Variants in PLCH1 observed in about 807,000 individuals in gnomAD.
PLCH1 encodes phospholipase C eta 1.
PLCH1 carries 60 observed loss-of-function variants against 126.7 expected under a neutral mutation model. The observed-to-expected ratio is 0.47, with a 90% CI of 0.38 to 0.59. The LOEUF (loss-of-function observed/expected upper bound fraction) is 0.59. Among genes scored for constraint, PLCH1 ranks in the 20% least tolerant of loss-of-function variants. The probability of loss-of-function intolerance (pLI) is 0.00; values close to 1 mark genes in which losing one functional copy is unlikely to be tolerated. For missense variants in PLCH1, 1,723 were observed against 2,040.0 expected (o/e 0.84, Z 2.99); for synonymous variants, 719 against 734.9 (o/e 0.98, Z 0.35).
rs1452538681 is a variant in PLCH1, at chr3:155,481,702, A to C, written c.4324T>G (p.Ser1442Ala). 3 of 1,614,168 alleles carry C rather than the reference A, an allele frequency of 1.9e-6. No individual in the cohort carries two copies. In the Admixed American group the frequency reaches 5.0e-5, roughly 27 times the overall value. ...CAGGTCTGGAACATTTTTGCATCTG[A>C]ATCTGAGAAATGATTATGCACAAAG... ...AGFVHNHFSD[S>A]DAKMFQTCVP... The change falls in exon 23 of 23, where the codon TCA becomes GCA. Residue 1442 changes from serine (S) to alanine (A), a missense_variant. Ser to Ala is a moderately conservative substitution (Grantham distance 99). Around this residue, in one of 2 missense-constraint regions of PLCH1, gnomAD observed 947 missense variants for 977.1 expected, o/e 0.97. Transcript: ENST00000460012. This position sits in a 1 kb window ranked among gnomAD's most constrained non-coding sequence, Gnocchi z 4.2.
At chr3:155,543,254 G>A (rs1375838488) in intron 10 of PLCH1, among the ~76,000 whole-genome samples, 2 of 152,170 alleles carry the variant, frequency 1.3e-5, no homozygotes, top group African/African-American at 4.8e-5. Context: ...GAAGCCTCAG[G>A]AGCCGATGCA....
intron 2 of PLCH1, among the ~76,000 whole-genome samples, chr3:155,659,627 T>C (rs1230755676): frequency 6.6e-6 from 1 of 151,866 alleles, no homozygotes; most frequent in Non-Finnish European, 1.5e-5. Flanking sequence ...GCCTCCCGAG[T>C]AGCTGGGATG....
chr3:155,693,761 C>T (rs890617054), intron 2 of PLCH1, among the ~76,000 whole-genome samples: 1 of 152,056 alleles, frequency 6.6e-6, no homozygotes, highest in African/African-American at 2.4e-5. Flanking sequence ...GAAACCCCGT[C>T]TCAACTAAAA....
intron 10 of PLCH1, among the ~76,000 whole-genome samples, chr3:155,546,374 C>T (rs1371419274): frequency 6.6e-6 from 1 of 152,098 alleles, no homozygotes; most frequent in African/African-American, 2.4e-5. Context: ...AACCACTGCT[C>T]AAGGAAATTA....
intron 14 of PLCH1, among the ~76,000 whole-genome samples, chr3:155,498,398 A>T (rs1426320013): frequency 6.6e-6 from 1 of 152,178 alleles, no homozygotes; most frequent in Non-Finnish European, 1.5e-5. Flanking sequence ...GTCATTTCTC[A>T]TGATGACGTG....
At chr3:155,640,676 C>T (rs1321404783) in intron 2 of PLCH1, among the ~76,000 whole-genome samples, 3 of 152,188 alleles carry the variant, frequency 2.0e-5, no homozygotes, top group African/African-American at 2.4e-5. Context: ...ACATCTCTAA[C>T]CATTACATGA....
At chr3:155,618,415 T>G (rs1439479349) in intron 2 of PLCH1, among the ~76,000 whole-genome samples, 1 of 152,090 alleles carries the variant, frequency 6.6e-6, no homozygotes, top group Non-Finnish European at 1.5e-5. Context: ...AAGAAGAAAA[T>G]GTCAAACAGC....
chr3:155,682,611 T>C (rs1003682948), intron 2 of PLCH1, among the ~76,000 whole-genome samples: 4 of 152,208 alleles, frequency 2.6e-5, no homozygotes, highest in Non-Finnish European at 4.4e-5. Flanking sequence ...AGAATTATCA[T>C]TCTGCATTTG....
intron 10 of PLCH1, among the ~76,000 whole-genome samples, chr3:155,527,081 T>C (rs1433179027): frequency 6.6e-6 from 1 of 152,168 alleles, no homozygotes; most frequent in African/African-American, 2.4e-5. Context: ...TACTGTAGTT[T>C]CTGCTTCAAT....
chr3:155,473,646 G>A (rs1046858401), intron 21 of PLCH1, among the ~76,000 whole-genome samples: 1 of 151,942 alleles, frequency 6.6e-6, no homozygotes, highest in Non-Finnish European at 1.5e-5. Context: ...GAACAAAGCT[G>A]GAGGCATCAC....
Position 155,497,776 on chromosome 3 carries a change from G to A in PLCH1, c.1797-359C>T, listed in dbSNP as rs182346369. Among the ~76,000 whole-genome samples the A allele has an allele frequency of 1.5e-3, 235 of 152,176 alleles. 1 individual carries two copies. The highest frequency in any genetic ancestry group is 3.4e-3 in the Middle Eastern group (1 of 294). The stretch of plus-strand genomic sequence containing the variant: ...GTTGCCCAAGCTGCAGTGCAGTGGC[G>A]CATTCTTGGTTCACTGCAACCTCTG... On this transcript the variant is annotated intron_variant, in intron 14 of 22. Transcript: ENST00000460012.
chr3:155,670,478 G>C (rs1743298324), intron 2 of PLCH1, among the ~76,000 whole-genome samples: 1 of 152,112 alleles, frequency 6.6e-6, no homozygotes, highest in Non-Finnish European at 1.5e-5. Flanking sequence ...TCTTTAAACA[G>C]ATCGATAGAA....
intron 6 of PLCH1, among the ~76,000 whole-genome samples, chr3:155,575,624 G>A (rs1035817251): frequency 6.6e-6 from 1 of 152,104 alleles, no homozygotes; most frequent in Admixed American, 6.5e-5. Flanking sequence ...TTACAATAAA[G>A]GTAGCCTTTG....
intron 21 of PLCH1, among the ~76,000 whole-genome samples, chr3:155,462,257 C>T (rs1301204782): frequency 6.6e-6 from 1 of 152,114 alleles, no homozygotes; most frequent in Admixed American, 6.5e-5. Flanking sequence ...TGAGGCACCT[C>T]GTGGCGACTC....
chr3:155,527,467 C>T (rs373263193), intron 10 of PLCH1, among the ~76,000 whole-genome samples: 1 of 152,280 alleles, frequency 6.6e-6, no homozygotes, highest in South Asian at 2.1e-4. Flanking sequence ...CCTTGATACC[C>T]AAAGCTCTTG....
rs1560027211 is a variant in PLCH1 at position 155,458,439 on chromosome 3, AAGGAAGGAAGGAAG to A, written c.2938+26903_2938+26916del. ...GAAGGAAGGAAGGAAGGAAGGAAGGAAGGAAGGAAGGAAGGAAAGAAAGAAAGAAAGAAAGAAAG... is the reference window on the plus strand; with the variant it reads ...GAAGGAAGGAAGGAAGGAAGGAAGGAGAAAGAAAGAAAGAAAGAAAGAAAG... On this transcript the variant is annotated intron_variant, in intron 21 of 21. Transcript: ENST00000494598. Among the ~76,000 whole-genome samples the A allele has an allele frequency of 5.4e-3, 490 of 90,806 alleles. 3 individuals are homozygous for A. The highest frequency in any genetic ancestry group is 8.4e-3 in the East Asian group (26 of 3,110). 59.6% of individuals were successfully genotyped at this position (90,806 alleles called of 152,430 possible).
intron 18 of PLCH1, among the ~76,000 whole-genome samples, chr3:155,491,760 T>C (rs181387355): frequency 4.9e-4 from 75 of 152,262 alleles, no homozygotes; most frequent in African/African-American, 1.7e-3. Flanking sequence ...AGGGTAGATA[T>C]TGACTGGGAA....
intron 2 of PLCH1, among the ~76,000 whole-genome samples, chr3:155,656,003 GAAACAGC>G (rs1336696777): frequency 6.6e-6 from 1 of 152,070 alleles, no homozygotes; most frequent in Non-Finnish European, 1.5e-5. Flanking sequence ...AAGAACCATT[GAAACAGC>G]AGATACGTTT....
At position 155,512,788 on chromosome 3, in the gene PLCH1, C is replaced by T. The variant is rs1378771381; in HGVS notation, c.1632+1935G>A. Among the ~76,000 whole-genome samples the T allele has an allele frequency of 2.0e-5, 3 of 152,088 alleles. No homozygotes were observed. The East Asian group carries it at 5.8e-4, about 29-fold the overall frequency. Reference sequence around the variant, plus strand: ...CTTTATCCTCCAAACTATGAGGAGCCCTGAGATGGTTGAAGACAGGAGAGT... The same window carrying T: ...CTTTATCCTCCAAACTATGAGGAGCTCTGAGATGGTTGAAGACAGGAGAGT... On this transcript the variant is annotated intron_variant, in intron 12 of 22. Coordinates refer to ENST00000460012, the MANE Select transcript of PLCH1 (RefSeq NM_014996.4).
Sources: allele counts gnomAD v4.1 joint callset (sites outside exome capture counted in the v4.1 genomes callset), GRCh38; gene constraint gnomAD v4.1.1; regional missense constraint gnomAD v4.1.1; non-coding constraint Gnocchi (gnomAD v3.1); transcripts MANE v1.5; gene names NCBI Gene and HGNC (gene_info 2026-07-23, HGNC 2026-07-21).